CCDC82: variants seen among roughly 807,000 people sequenced by gnomAD.
CCDC82 encodes coiled-coil domain-containing protein 82.
A neutral mutation model predicts 60.6 loss-of-function variants in CCDC82; 47 were observed. That is an observed-to-expected ratio of 0.77 (90% CI 0.61 to 0.99). The LOEUF is 0.99. Among genes scored for constraint, CCDC82 ranks in the 50% least tolerant of loss-of-function variants. The probability of loss-of-function intolerance (pLI) is 0.00; values close to 1 mark genes in which losing one functional copy is unlikely to be tolerated. For missense variants in CCDC82, 588 were observed against 633.0 expected (o/e 0.93, Z 0.76); for synonymous variants, 212 against 207.4 (o/e 1.02, Z -0.19).
At chr11:96,372,880 G>C (rs1039527548) in intron 6 of CCDC82, among the ~76,000 whole-genome samples, 1 of 151,376 alleles carries the variant, frequency 6.6e-6, no homozygotes, top group African/African-American at 2.4e-5. Context: ...GAATGATGGC[G>C]GCACAAATGA....
At chr11:96,376,632 T>C (rs780484994) in intron 5 of CCDC82, among the ~76,000 whole-genome samples, 3 of 152,168 alleles carry the variant, frequency 2.0e-5, no homozygotes, top group South Asian at 4.1e-4. Context: ...TTCTGTGTGT[T>C]GGCCAGGCTG....
chr11:96,378,956 G>A (rs1483043682), intron 5 of CCDC82, among the ~76,000 whole-genome samples: 1 of 151,958 alleles, frequency 6.6e-6, no homozygotes, highest in African/African-American at 2.4e-5. Flanking sequence ...ATTACAAAAT[G>A]TCTTCCTATA....
chr11:96,378,075 T>C (rs544131016), intron 5 of CCDC82, among the ~76,000 whole-genome samples: 2 of 152,150 alleles, frequency 1.3e-5, no homozygotes, highest in East Asian at 1.9e-4. Flanking sequence ...AGGGTCTTCG[T>C]TTGTAGTCCT....
intron 5 of CCDC82, among the ~76,000 whole-genome samples, chr11:96,374,298 T>C (rs1451118159): frequency 1.3e-5 from 2 of 152,160 alleles, no homozygotes; most frequent in Non-Finnish European, 2.9e-5. Flanking sequence ...ATAAGACCTA[T>C]CATTAGCAAC....
intron 7 of CCDC82, among the ~76,000 whole-genome samples, chr11:96,365,460 ATTAG>A (rs1864896900): frequency 1.3e-5 from 2 of 152,192 alleles, no homozygotes; most frequent in Admixed American, 6.5e-5. Context: ...TTAATGAGGT[ATTAG>A]TTAAAAATAG....
intron 9 of CCDC82, chr11:96,357,514 G>T: frequency 2.0e-6 from 2 of 985,176 alleles, no homozygotes; most frequent in Non-Finnish European, 2.4e-6. Context: ...AAAATTCCAG[G>T]TCCCTTCTGG....
intron 7 of CCDC82, among the ~76,000 whole-genome samples, chr11:96,369,651 C>A (rs552595077): frequency 5.3e-5 from 8 of 152,030 alleles, no homozygotes; most frequent in Admixed American, 4.6e-4. Context: ...GATCACTGAC[C>A]ACAGATCACC....
intron 6 of CCDC82, 107 bp downstream of exon 6, chr11:96,373,268 A>G: frequency 1.5e-6 from 1 of 654,658 alleles, no homozygotes; most frequent in Non-Finnish European, 2.7e-6. Flanking sequence ...GGTCTTACAA[A>G]TGATCCTCAT....
chr11:96,376,875 TTCTGAG>T (rs755186332), intron 5 of CCDC82, among the ~76,000 whole-genome samples: 2 of 152,180 alleles, frequency 1.3e-5, no homozygotes, highest in Non-Finnish European at 2.9e-5. Context: ...CTGGTGATTT[TTCTGAG>T]ATCTTTTACC....
At chr11:96,365,987 T>C (rs1408429092) in intron 7 of CCDC82, among the ~76,000 whole-genome samples, 1 of 152,248 alleles carries the variant, frequency 6.6e-6, no homozygotes, top group Non-Finnish European at 1.5e-5. Flanking sequence ...TATTATATGA[T>C]TGAAAACTAC....
chr11:96,378,439 A>T (rs1419043786), intron 5 of CCDC82, among the ~76,000 whole-genome samples: 1 of 152,042 alleles, frequency 6.6e-6, no homozygotes, highest in Non-Finnish European at 1.5e-5. Flanking sequence ...CTTATCCTAG[A>T]ACAAGGGAAA....
At chr11:96,388,178 G>A (rs972752920) in intron 1 of CCDC82, 1 of 152,196 alleles carries the variant, frequency 6.6e-6, no homozygotes, top group Admixed American at 6.5e-5. Flanking sequence ...GCTGGGAAGG[G>A]AAGAATGATA....
At chr11:96,358,163 C>A in intron 9 of CCDC82, 1 of 988,712 alleles carries the variant, frequency 1.0e-6, no homozygotes, top group Non-Finnish European at 1.2e-6. Flanking sequence ...CAATGGATCT[C>A]AAGTTAGGCT....
chr11:96,387,356 T>C (rs1161097347), intron 2 of CCDC82, 174 bp downstream of exon 2: 1 of 152,226 alleles, frequency 6.6e-6, no homozygotes, highest in Non-Finnish European at 1.5e-5. Flanking sequence ...GTGGAAATGA[T>C]TAAGAATCAC....
At position 96,373,056 on chromosome 11, in the gene CCDC82, G is replaced by C. The variant is rs555855078; in HGVS notation, c.1084+319C>G. 1.9e-3 allele frequency among the ~76,000 whole-genome samples: 295 copies of C among 152,252 alleles called. 1 individual carries two copies. The highest frequency in any genetic ancestry group is 6.9e-3 in the African/African-American group (287 of 41,554). On this transcript the variant is annotated intron_variant, in intron 6 of 9. Transcript: ENST00000646818. The stretch of plus-strand genomic sequence containing the variant: ...CATGGAACTTTTAATGAAATTCAGA[G>C]CTCAGAGAGGCTGGGTTTGGCACAT...
intron 9 of CCDC82, chr11:96,358,446 A>C: frequency 1.6e-6 from 2 of 1,229,858 alleles, no homozygotes; most frequent in Non-Finnish European, 2.0e-6. Flanking sequence ...GGGGGAATCA[A>C]AATCAGTGCT....
At chr11:96,362,022 T>C (rs1864687020) in intron 8 of CCDC82, among the ~76,000 whole-genome samples, 1 of 152,212 alleles carries the variant, frequency 6.6e-6, no homozygotes. Flanking sequence ...GTTATCAGTA[T>C]GAACCAAGTG....
intron 1 of CCDC82, chr11:96,388,786 G>A (rs1447266959): frequency 6.6e-6 from 1 of 152,146 alleles, no homozygotes; most frequent in African/African-American, 2.4e-5. Context: ...CTACCAGGAG[G>A]GATCCATTCT....
At chr11:96,375,402 A>G (rs1479463001) in intron 5 of CCDC82, among the ~76,000 whole-genome samples, 2 of 152,182 alleles carry the variant, frequency 1.3e-5, no homozygotes, top group Non-Finnish European at 2.9e-5. Context: ...TTATCAATGG[A>G]TATCAGAATG....
Sources: allele counts gnomAD v4.1 joint callset (sites outside exome capture counted in the v4.1 genomes callset), GRCh38; gene constraint gnomAD v4.1.1; transcripts MANE v1.5; gene names NCBI Gene and HGNC (gene_info 2026-07-23, HGNC 2026-07-21).